Variants in DCLK1 observed in about 807,000 individuals in gnomAD.
DCLK1 encodes doublecortin like kinase 1, also known as serine/threonine-protein kinase DCLK1.
DCLK1 carries 16 observed loss-of-function variants against 86.2 expected under a neutral mutation model. That is an observed-to-expected ratio of 0.19 (90% confidence interval 0.13 to 0.28). DCLK1 has a LOEUF of 0.28. Among genes scored for constraint, DCLK1 ranks in the 10% least tolerant of loss-of-function variants. DCLK1 has a pLI of 1.00. For missense variants in DCLK1, 590 were observed against 940.2 expected (o/e 0.63, Z 4.87); for synonymous variants, 369 against 370.5 (o/e 1.00, Z 0.05).
chr13:35,854,321 G>T (rs1870889956), intron 6 of DCLK1, among the ~76,000 whole-genome samples, 178 bp downstream of exon 6: 1 of 152,346 alleles, frequency 6.6e-6, no homozygotes, highest in South Asian at 2.1e-4. Context: ...CAAGGTTACA[G>T]AGAAGCTAAA....
chr13:35,964,422 A>T (rs1878622000), intron 3 of DCLK1, among the ~76,000 whole-genome samples: 1 of 152,258 alleles, frequency 6.6e-6, no homozygotes, highest in Admixed American at 6.5e-5. Flanking sequence ...TTAAGATTTC[A>T]TAGGCAGTGC....
chr13:36,033,423 G>C (rs892901638), intron 3 of DCLK1, among the ~76,000 whole-genome samples: 8 of 152,084 alleles, frequency 5.3e-5, no homozygotes, highest in Admixed American at 1.3e-4. Flanking sequence ...ATATATAGGA[G>C]GCAGGCTGGC....
intron 4 of DCLK1, among the ~76,000 whole-genome samples, chr13:35,909,026 T>C (rs1021387491): frequency 6.6e-6 from 1 of 152,214 alleles, no homozygotes; most frequent in African/African-American, 2.4e-5. Context: ...AAAGAAAACA[T>C]GTTTCCAGAC....
At chr13:35,846,922 G>T in intron 6 of DCLK1, 1 of 985,186 alleles carries the variant, frequency 1.0e-6, no homozygotes, top group South Asian at 4.7e-5. Flanking sequence ...CGCCTTACAG[G>T]TTATCTGGCT....
At chr13:35,804,221 C>T (rs1174838477) in intron 15 of DCLK1, among the ~76,000 whole-genome samples, 1 of 152,074 alleles carries the variant, frequency 6.6e-6, no homozygotes, top group Non-Finnish European at 1.5e-5. Context: ...GCCTCCGCCT[C>T]CTGGGTTCAA....
In DCLK1 at chr13:36,126,231, G is replaced by GT. The variant is rs577885528; in HGVS notation, c.-19-76dup. ...TATATATATATATTTTTTTGTTTTT[G>GT]TTTTTTTTATGTTAGGGACAGGGTC... On this transcript the variant is annotated intron_variant, in intron 1 of 16. Coordinates refer to ENST00000360631, the MANE Select transcript of DCLK1 (RefSeq NM_001330071.2). 266 of 1,233,106 alleles carry GT rather than the reference G, an allele frequency of 2.2e-4. 2 individuals carry two copies. The highest frequency in any genetic ancestry group is 1.5e-3 in the East Asian group (55 of 37,046). The allele number at this position is 1,233,106 out of a possible 1,614,324, so 76.4% of individuals were successfully genotyped here.
intron 16 of DCLK1, among the ~76,000 whole-genome samples, chr13:35,781,957 T>C (rs1006385081): frequency 2.9e-4 from 44 of 152,164 alleles, no homozygotes; most frequent in African/African-American, 9.9e-4. Flanking sequence ...TTCTGTTTTG[T>C]TTTGCTTTCA....
rs1263956352 is a variant in DCLK1 at position 35,802,478 on chromosome 13, C to T, written c.1944+3221G>A. Among the ~76,000 whole-genome samples the T allele has an allele frequency of 2.0e-5, 3 of 152,080 alleles. 1 individual carries two copies. The highest frequency in any genetic ancestry group is 7.2e-5 in the African/African-American group (3 of 41,424). On this transcript the variant is annotated intron_variant, in intron 15 of 16. Transcript: ENST00000360631. ...TCACCCTGTCTCAGTTTCTCCAGAG[C>T]TAATATGCAATTTGACAATTTATGG... is the stretch of plus-strand genomic sequence containing the variant.
At chr13:35,973,097 T>C (rs1431151379) in intron 3 of DCLK1, among the ~76,000 whole-genome samples, 1 of 152,032 alleles carries the variant, frequency 6.6e-6, no homozygotes, top group Non-Finnish European at 1.5e-5. Context: ...GGAATGAGGA[T>C]GGCAGGTGAG....
intron 4 of DCLK1, among the ~76,000 whole-genome samples, chr13:35,924,903 A>G (rs1230565942): frequency 6.6e-6 from 1 of 152,188 alleles, no homozygotes; most frequent in Non-Finnish European, 1.5e-5. Context: ...TTTACCTATC[A>G]TCTATGGCTG....
chr13:35,938,806 A>C (rs756843107), intron 4 of DCLK1, among the ~76,000 whole-genome samples: 3 of 152,120 alleles, frequency 2.0e-5, no homozygotes, highest in Non-Finnish European at 4.4e-5. Context: ...TCCAGGATTC[A>C]CCTATAATTC....
intron 12 of DCLK1, among the ~76,000 whole-genome samples, chr13:35,810,443 A>G (rs1233533937): frequency 6.6e-6 from 1 of 152,222 alleles, no homozygotes; most frequent in Non-Finnish European, 1.5e-5. Flanking sequence ...ACTGGAGGAT[A>G]AGGGCAGCAG....
rs561941239 is a variant in DCLK1 at position 36,119,865 on chromosome 13, C to A, written c.376+5897G>T. 7.2e-5 allele frequency among the ~76,000 whole-genome samples: 11 copies of A among 152,304 alleles called. 1 individual carries two copies. The South Asian group carries it at 2.3e-3, about 32-fold the overall frequency. On this transcript the variant is annotated intron_variant, in intron 2 of 16. Transcript: ENST00000360631. ...CCAAATGAGGCCTGTAGTTCAACTACTGTATTGTACCAAAGTTAACTTCTT... is the reference window on the plus strand; with the variant it reads ...CCAAATGAGGCCTGTAGTTCAACTAATGTATTGTACCAAAGTTAACTTCTT...
At chr13:35,982,940 T>C (rs893785770) in intron 3 of DCLK1, among the ~76,000 whole-genome samples, 1 of 151,866 alleles carries the variant, frequency 6.6e-6, no homozygotes, top group Admixed American at 6.6e-5. Flanking sequence ...TTTTTTGAAT[T>C]TTTAGTAGAG....
chr13:35,936,735 G>A (rs925293428), intron 4 of DCLK1, among the ~76,000 whole-genome samples: 3 of 152,142 alleles, frequency 2.0e-5, no homozygotes, highest in African/African-American at 2.4e-5. Flanking sequence ...GGTAAAGGTT[G>A]CATGAGTGTT....
At chr13:35,903,851 C>CA (rs1036729961) in intron 4 of DCLK1, among the ~76,000 whole-genome samples, 9 of 151,902 alleles carry the variant, frequency 5.9e-5, no homozygotes, top group African/African-American at 1.2e-4. Flanking sequence ...TAACAAAATG[C>CA]AAAAAAAGCC....
chr13:36,001,824 T>G (rs1383591911), intron 3 of DCLK1, among the ~76,000 whole-genome samples: 4 of 152,186 alleles, frequency 2.6e-5, no homozygotes, highest in Admixed American at 2.0e-4. Flanking sequence ...GCCTGGATCT[T>G]ACTGAATCCC....
At chr13:35,980,823 T>TA (rs1351350650) in intron 3 of DCLK1, among the ~76,000 whole-genome samples, 1 of 152,084 alleles carries the variant, frequency 6.6e-6, no homozygotes, top group African/African-American at 2.4e-5. Flanking sequence ...TCTTTTTTTT[T>TA]AATGTAATTT....
chr13:35,880,296 T>C (rs1203784174), intron 4 of DCLK1, among the ~76,000 whole-genome samples: 1 of 152,162 alleles, frequency 6.6e-6, no homozygotes, highest in African/African-American at 2.4e-5. Context: ...AAGAATGTCA[T>C]GGGGCAGAGG....
Sources: allele counts gnomAD v4.1 joint callset (sites outside exome capture counted in the v4.1 genomes callset), GRCh38; gene constraint gnomAD v4.1.1; transcripts MANE v1.5; gene names NCBI Gene and HGNC (gene_info 2026-07-23, HGNC 2026-07-21).